Variants in LAMA5 observed in about 807,000 individuals in gnomAD.
The protein encoded by LAMA5 is laminin subunit alpha-5.
Under a neutral mutation model 433.4 loss-of-function variants are expected in LAMA5, and 260 were observed. The ratio of observed to expected loss-of-function variants is 0.60; its 90% confidence interval spans 0.54 to 0.66. LAMA5 has a LOEUF of 0.66. LAMA5 is among the 30% of genes least tolerant of loss of function. The pLI is 0.00. For synonymous variants in LAMA5, 2,620 were observed against 2,226.6 expected (o/e 1.18, Z -4.97); for missense variants, 5,378 against 5,258.5 (o/e 1.02, Z -0.70).
In LAMA5 at chr20:62,334,284, C is replaced by T; in HGVS notation, c.2641G>A (p.Ala881Thr). The T allele has an allele frequency of 6.2e-7, 1 of 1,611,866 alleles. No individual in the cohort carries two copies. Among genetic ancestry groups the T allele is most frequent in the Middle Eastern group, 1.7e-4 (1 of 6,056 alleles). ...ACGGCGTGACCCTCAGGTGTGGCAG[C>T]CTCCTCCAGCTCCAGGCGCAGGTGG... ...LHHLRLELEE[A>T]ATPEGHAVRF... The change falls in exon 22 of 80, where the codon GCT becomes ACT. Residue 881 changes from alanine (A) to threonine (T), a missense_variant. Ala to Thr is a moderately conservative substitution (Grantham distance 58). Coordinates refer to ENST00000252999, the MANE Select transcript of LAMA5 (RefSeq NM_005560.6).
chr20:62,313,741 C>T lies in LAMA5; in HGVS notation c.8566G>A (p.Gly2856Ser). 1 of 1,612,986 alleles carries T rather than the reference C, an allele frequency of 6.2e-7. No homozygotes were observed. The highest frequency in any genetic ancestry group is 8.5e-7 in the Non-Finnish European group (1 of 1,179,994). ...TCTGCCCCAGGGGCCACCGTGTCACCCTTGGTTTCCTGGATCATCTGTCTC... is the reference window on the plus strand; with the variant it reads ...TCTGCCCCAGGGGCCACCGTGTCACTCTTGGTTTCCTGGATCATCTGTCTC... ...VERQMIQETK[G>S]DTVAPGAEGL... The change falls in exon 63 of 80, where the codon GGT becomes AGT. Residue 2856 changes from glycine (G) to serine (S), a missense_variant. By Grantham distance (56) the Gly-to-Ser change is moderately conservative. Coordinates refer to ENST00000252999, the MANE Select transcript of LAMA5 (RefSeq NM_005560.6).
In LAMA5 at chr20:62,328,288, G is replaced by A; in HGVS notation, c.4605C>T (p.Ile1535=). 1 of 1,608,400 alleles carries A rather than the reference G, an allele frequency of 6.2e-7. No individual in the cohort carries two copies. The highest frequency in any genetic ancestry group is 1.7e-5 in the Admixed American group (1 of 59,420). The change falls in exon 35 of 80, where the codon ATC becomes ATT. Residue 1535 remains isoleucine, a synonymous_variant. Coordinates refer to ENST00000252999, the MANE Select transcript of LAMA5 (RefSeq NM_005560.6). ...CEECNCSGPG[I]QELTDPTCDT... ...CACAGGTAGGGTCTGTGAGCTCCTG[G>A]ATGCCGGGCCCTGAGCAGTTACACT...
Position 62,313,425 on chromosome 20 carries a change from GC to G in LAMA5, c.8693del (p.Gly2898AlafsTer8). The G allele has an allele frequency of 6.2e-7, 1 of 1,610,576 alleles. No individual in the cohort carries two copies. ...CATTCAGCGTGTCCATCTCGATGCA[GC>G]CCCGGTAGCCGGGGAAGCGAAGCAG... ...PPLLRFPGYR[G>X]CIEMDTLNEE... On this transcript the variant is annotated frameshift_variant, in exon 64 of 80. Coordinates refer to ENST00000252999, the MANE Select transcript of LAMA5 (RefSeq NM_005560.6). LOFTEE classifies it high-confidence loss of function.
rs766676683 is a variant in LAMA5 at position 62,351,658 on chromosome 20, G to T, written c.956+46C>A. On this transcript the variant is annotated intron_variant, in intron 6 of 79. Transcript: ENST00000252999. ...GGGTGACAAGGACAGGCAGGGAGCT[G>T]GGGGGGGCCTCACCTGAACGGGGCC... is the stretch of plus-strand genomic sequence containing the variant. 12 of 1,535,146 alleles carry T rather than the reference G, an allele frequency of 7.8e-6. No individual in the cohort carries two copies. In the African/African-American group the frequency reaches 9.5e-5, roughly 12 times the overall value.
Position 62,337,735 on chromosome 20 carries a change from C to T in LAMA5, c.2027-8G>A, listed in dbSNP as rs1981916759. ...CAGCAGAGCAGTGGCAGGCTGCAGA[C>T]AAGGATAGCTGTGGGCACGCAGTGG... On this transcript the variant is annotated splice_region_variant and splice_polypyrimidine_tract_variant and intron_variant, in intron 15 of 79. Transcript: ENST00000252999. 6.2e-7 allele frequency: 1 copy of T among 1,607,844 alleles called. No individual in the cohort carries two copies. Among genetic ancestry groups the T allele is most frequent in the African/African-American group, 1.3e-5 (1 of 74,896 alleles).
chr20:62,318,663 AGGGT>A lies in LAMA5; in HGVS notation c.7043-17_7043-14del, dbSNP rs1370595829. 6.2e-7 allele frequency: 1 copy of A among 1,607,382 alleles called. No individual in the cohort carries two copies. The highest frequency in any genetic ancestry group is 1.7e-5 in the Admixed American group (1 of 59,774). ...ACCCGGGCCAGCACTAGCCGAGACC[AGGGT>A]GAGGGTGGTCACTCTGGAAGCCAGG... On this transcript the variant is annotated splice_polypyrimidine_tract_variant and intron_variant, in intron 52 of 79. Coordinates refer to ENST00000252999, the MANE Select transcript of LAMA5 (RefSeq NM_005560.6).
chr20:62,351,583 A>AG, intron 6 of LAMA5, 121 bp downstream of exon 6: 1 of 861,102 alleles, frequency 1.2e-6, no homozygotes, highest in Admixed American at 2.0e-5. Flanking sequence ...CACAGACAGC[A>AG]GGGTTGTGGT....
rs745509435 is a variant in LAMA5 at position 62,333,176 on chromosome 20, G to A, written c.3196C>T (p.Arg1066Cys). Residue 1066 changes from arginine (R) to cysteine (C), a missense_variant, in exon 26 of 80, where the codon CGC becomes TGC. Arg to Cys is a radical substitution (Grantham distance 180). Transcript: ENST00000252999. ...GGCCGGGGCAGGCTGTTGTCCTGGC[G>A]ACACAGGGCCTCCAGCCCGGCGGCC... is the stretch of plus-strand genomic sequence containing the variant. ...PSAAGLEALC[R>C]QDNSLPRPCP... 3.2e-5 allele frequency: 48 copies of A among 1,519,554 alleles called. No individual in the cohort carries two copies. Among genetic ancestry groups the A allele is most frequent in the East Asian group, 2.0e-4 (9 of 43,942 alleles). The allele number at this position is 1,519,554 out of a possible 1,614,324, so 94.1% of individuals were successfully genotyped here.
chr20:62,362,548 T>C lies in LAMA5; in HGVS notation c.302A>G (p.Gln101Arg). The change falls in exon 2 of 80, where the codon CAG becomes CGG. Residue 101 changes from glutamine to arginine, a missense_variant. Physicochemically the swap from Gln to Arg is conservative, Grantham distance 43. Transcript: ENST00000252999. Reference sequence around the variant, plus strand: ...GGCAGCCGTGCAGATGTCACAGTACTGGCCCTGCAGAGGGAACGGGAGGGT... The same window carrying C: ...GGCAGCCGTGCAGATGTCACAGTACCGGCCCTGCAGAGGGAACGGGAGGGT... Reference protein sequence around the residue: ...GGDPNQTIRGQYCDICTAANS... With the variant: ...GGDPNQTIRGRYCDICTAANS... 2 of 1,570,264 alleles carry C rather than the reference T, an allele frequency of 1.3e-6. No individual in the cohort carries two copies. The highest frequency in any genetic ancestry group is 1.7e-6 in the Non-Finnish European group (2 of 1,155,426).
chr20:62,333,872 A>G lies in LAMA5; in HGVS notation c.2878+29T>C, dbSNP rs758738545. 8 of 1,534,374 alleles carry G rather than the reference A, an allele frequency of 5.2e-6. 1 individual carries two copies. In the African/African-American group the frequency reaches 6.8e-5, roughly 13 times the overall value. The stretch of plus-strand genomic sequence containing the variant: ...GTGGGGTGGGCTGGGCTGGTGGGGC[A>G]GGGGCTGTGGCCCAGGGACCCCACT... On this transcript the variant is annotated intron_variant, in intron 23 of 79. Transcript: ENST00000252999.
Position 62,330,794 on chromosome 20 carries a change from G to T in LAMA5, c.3801C>A (p.Pro1267=). The part of the protein sequence containing the change: ...AMSPAGPRPR[P]PTAVDPDAEP... ...CTGCATCAGGGTCCACAGCGGTGGG[G>T]GGCCGAGGTCGGGGTCCAGCTGGGG... Residue 1267 remains proline, a synonymous_variant, in exon 30 of 80, where the codon CCC becomes CCA. Coordinates refer to ENST00000252999, the MANE Select transcript of LAMA5 (RefSeq NM_005560.6). 2 of 1,561,018 alleles carry T rather than the reference G, an allele frequency of 1.3e-6. No homozygotes were observed. The highest frequency in any genetic ancestry group is 1.2e-5 in the South Asian group (1 of 84,772).
At chr20:62,355,009 G>T (rs1257209824) in intron 2 of LAMA5, among the ~76,000 whole-genome samples, 1 of 152,200 alleles carries the variant, frequency 6.6e-6, no homozygotes, top group African/African-American at 2.4e-5. Flanking sequence ...GGTGTGGCCT[G>T]CCTGTCCCGG....
rs755653528 is a variant in LAMA5, at chr20:62,342,286, G to A, written c.1477+3532C>T. The A allele has an allele frequency of 1.4e-4, 53 of 373,630 alleles. 1 individual carries two copies. The highest frequency in any genetic ancestry group is 9.0e-4 in the East Asian group (7 of 7,802). 23.1% of individuals were successfully genotyped at this position (373,630 alleles called of 1,614,324 possible). On this transcript the variant is annotated intron_variant, in intron 11 of 79. Coordinates refer to ENST00000252999, the MANE Select transcript of LAMA5 (RefSeq NM_005560.6). Reference sequence around the variant, plus strand: ...CAACTGCACTCCAGCCTGGACGACAGAGTGAAACTCCATCTCAAAAAAAAA... The same window carrying A: ...CAACTGCACTCCAGCCTGGACGACAAAGTGAAACTCCATCTCAAAAAAAAA...
rs767437599 is a variant in LAMA5, at chr20:62,313,208, G to A, written c.8835C>T (p.Tyr2945=). The stretch of plus-strand genomic sequence containing the variant: ...TGCGGGCGAAGCCGGTGCCGTCCAG[G>A]TAGGAGCCGTCCGTGAGCCACGGGT... The part of the protein sequence containing the change: ...TGDPWLTDGS[Y]LDGTGFARIS... The change falls in exon 65 of 80, where the codon TAC becomes TAT. Residue 2945 remains tyrosine, a synonymous_variant. Coordinates refer to ENST00000252999, the MANE Select transcript of LAMA5 (RefSeq NM_005560.6). 3.0e-5 allele frequency: 46 copies of A among 1,550,426 alleles called. No individual in the cohort carries two copies. Among genetic ancestry groups the A allele is most frequent in the Non-Finnish European group, 3.7e-5 (43 of 1,151,402 alleles).
In LAMA5 at chr20:62,310,718, G is replaced by A. The variant is rs767450307; in HGVS notation, c.10393C>T (p.His3465Tyr). 1.9e-6 allele frequency: 3 copies of A among 1,596,768 alleles called. No homozygotes were observed. The highest frequency in any genetic ancestry group is 2.7e-5 in the African/African-American group (2 of 74,858). The change falls in exon 75 of 80, where the codon CAC becomes TAC. Residue 3465 changes from histidine to tyrosine, a missense_variant. Physicochemically the swap from His to Tyr is moderately conservative, Grantham distance 83. Transcript: ENST00000252999. ...QHQGAEHPQP[H>Y]TLFVGGLPAS... ...GGGAGGCCGCCCACAAAGAGGGTGT[G>A]GGGCTGGGGGTGCTCTGCCCCCTGG...
At chr20:62,343,152 G>A (rs761964922) in intron 11 of LAMA5, among the ~76,000 whole-genome samples, 8 of 152,220 alleles carry the variant, frequency 5.3e-5, no homozygotes, top group Middle Eastern at 3.2e-3. Flanking sequence ...AGCTGGTAAC[G>A]GTAGAGCTGA....
At chr20:62,322,934 G>A (rs1684529680) in intron 45 of LAMA5, among the ~76,000 whole-genome samples, 176 bp from the exon 46 acceptor site, 1 of 151,842 alleles carries the variant, frequency 6.6e-6, no homozygotes, top group South Asian at 2.1e-4. Context: ...TGCCTCCCCT[G>A]GGCCCGAGGG....
chr20:62,353,185 C>G lies in LAMA5; in HGVS notation c.517G>C (p.Glu173Gln). ...NSPRPDLWVL[E>Q]RSMDFGRTYQ... ...GTGCGGCCGAAGTCCATGGACCGCT[C>G]CAGCACCCAGAGGTCCGGCCGGGGT... The change falls in exon 3 of 80, where the codon GAG (glutamate) becomes CAG (glutamine). Residue 173 changes from glutamate to glutamine, a missense_variant. By Grantham distance (29) the Glu-to-Gln change is conservative (BLOSUM62 2). Coordinates refer to ENST00000252999, the MANE Select transcript of LAMA5 (RefSeq NM_005560.6). 6.3e-7 allele frequency: 1 copy of G among 1,585,010 alleles called. No individual in the cohort carries two copies. Among genetic ancestry groups the G allele is most frequent in the Non-Finnish European group, 8.6e-7 (1 of 1,166,352 alleles).
intron 2 of LAMA5, among the ~76,000 whole-genome samples, chr20:62,358,500 C>G (rs1985574579): frequency 6.6e-6 from 1 of 152,162 alleles, no homozygotes; most frequent in Non-Finnish European, 1.5e-5. Context: ...CCAACCAGGC[C>G]CAGGGAGCCA....
Sources: gnomAD v4.1 joint callset for allele counts (sites outside exome capture counted in the v4.1 genomes callset) on GRCh38, gnomAD v4.1.1 for gene constraint, MANE v1.5 for transcripts, NCBI Gene and HGNC (gene_info 2026-07-23, HGNC 2026-07-21) for gene names.